The following VWA3B variants were observed in gnomAD, a reference collection of about 807,000 sequenced individuals.
VWA3B encodes the protein von Willebrand factor A domain-containing protein 3B.
A neutral mutation model predicts 158.3 loss-of-function variants in VWA3B; 138 were observed. The ratio of observed to expected loss-of-function variants is 0.87; its 90% CI spans 0.76 to 1.00. The LOEUF (loss-of-function observed/expected upper bound fraction) is 1.00. VWA3B is among the 50% of genes least tolerant of loss of function. The pLI, the probability that VWA3B is intolerant of heterozygous loss-of-function variation, is 0.00. For missense variants in VWA3B, 1,555 were observed against 1,565.1 expected, an observed-to-expected ratio of 0.99 and a Z score of 0.11; for synonymous variants, 596 against 587.3, an observed-to-expected ratio of 1.01 and a Z score of -0.21.
chr2:98,139,640 C>T (rs1175985196), intron 7 of VWA3B, among the ~76,000 whole-genome samples: 2 of 151,618 alleles, frequency 1.3e-5, no homozygotes, highest in Admixed American at 6.6e-5. Context: ...TCTGGTGGGG[C>T]CTTGGAGAAC....
At chr2:98,132,018 C>A (rs1448071719) in intron 6 of VWA3B, among the ~76,000 whole-genome samples, 1 of 152,142 alleles carries the variant, frequency 6.6e-6, no homozygotes, top group African/African-American at 2.4e-5. Flanking sequence ...CAGAAGGGGG[C>A]TCCCTCCTGT....
At position 98,286,087 on chromosome 2, in the gene VWA3B, C is replaced by G. The variant is rs74732283; in HGVS notation, c.3046-4424C>G. 6.4e-3 allele frequency among the ~76,000 whole-genome samples: 975 copies of G among 151,846 alleles called. 7 individuals carry two copies. Among genetic ancestry groups the G allele is most frequent in the African/African-American group, 0.022 (931 of 41,482 alleles). On this transcript the variant is annotated intron_variant, in intron 22 of 27. Transcript: ENST00000477737. Reference sequence around the variant, plus strand: ...ATTTTCAGAGTGCTCATTGCTAATACATAGAAATACAGTTGATTTTTTCAG... The same window carrying G: ...ATTTTCAGAGTGCTCATTGCTAATAGATAGAAATACAGTTGATTTTTTCAG...
At chr2:98,216,263 G>A (rs1683980465) in intron 13 of VWA3B, among the ~76,000 whole-genome samples, 2 of 152,236 alleles carry the variant, frequency 1.3e-5, no homozygotes, top group Non-Finnish European at 1.5e-5. Context: ...CATTGGATAA[G>A]TGTCCTTTGG....
At chr2:98,138,836 G>A (rs545955871) in intron 7 of VWA3B, among the ~76,000 whole-genome samples, 12 of 152,344 alleles carry the variant, frequency 7.9e-5, no homozygotes, top group Non-Finnish European at 1.5e-4. Context: ...AGGTGACAGC[G>A]TGCTGGCAGT....
the VWA3B span, among the ~76,000 whole-genome samples, chr2:98,321,706 T>C: frequency 1.3e-5 from 2 of 152,218 alleles, no homozygotes; most frequent in Non-Finnish European, 2.9e-5. Context: ...GGACTTGCCT[T>C]GTGTCAGATG....
chr2:98,222,757 C>T (rs1163642761), intron 14 of VWA3B, among the ~76,000 whole-genome samples: 1 of 152,164 alleles, frequency 6.6e-6, no homozygotes, highest in Non-Finnish European at 1.5e-5. Flanking sequence ...CAAAGAAGAC[C>T]AAGATAATAC....
the VWA3B span, among the ~76,000 whole-genome samples, chr2:98,330,120 C>T: frequency 2.0e-5 from 3 of 152,156 alleles, no homozygotes; most frequent in Non-Finnish European, 4.4e-5. Context: ...ATTAGAGTCA[C>T]CATCTTCCAA....
At chr2:98,234,619 T>G in intron 16 of VWA3B, 29 bp from the exon 17 acceptor site, 1 of 1,613,924 alleles carries the variant, frequency 6.2e-7, no homozygotes, top group Non-Finnish European at 8.5e-7. Context: ...CCCCAATTCC[T>G]TTAACTCTTC....
intron 7 of VWA3B, among the ~76,000 whole-genome samples, chr2:98,156,561 AGGAGCAGCCCTGCCACCGTCTTTGTT>A (rs989799104): frequency 2.0e-5 from 3 of 152,152 alleles, no homozygotes; most frequent in African/African-American, 7.2e-5. Context: ...TGGGAAATCA[AGGAGCAGCCCTGCCACCGTCTTTGTT>A]ATTTTTATGC....
chr2:98,178,606 G>A (rs1331228318), intron 8 of VWA3B, among the ~76,000 whole-genome samples: 1 of 152,148 alleles, frequency 6.6e-6, no homozygotes, highest in Non-Finnish European at 1.5e-5. Flanking sequence ...GTGTCTGATG[G>A]AAGCATCAGC....
chr2:98,181,678 G>A (rs1304696289), intron 9 of VWA3B, among the ~76,000 whole-genome samples: 5 of 152,166 alleles, frequency 3.3e-5, no homozygotes, highest in African/African-American at 4.8e-5. Context: ...ATCCTCCAAA[G>A]GGCTATAACC....
the VWA3B span, among the ~76,000 whole-genome samples, chr2:98,319,145 A>C: frequency 1.3e-5 from 2 of 152,204 alleles, no homozygotes; most frequent in South Asian, 4.1e-4. Context: ...AGGACAATGG[A>C]TAGCCATTGG....
At chr2:98,172,695 G>C (rs957536365) in intron 8 of VWA3B, among the ~76,000 whole-genome samples, 3 of 152,164 alleles carry the variant, frequency 2.0e-5, no homozygotes, top group African/African-American at 7.2e-5. Context: ...GGAGATGGAG[G>C]TGTCAAAAGT....
chr2:98,325,379 T>TAAGTGTTGATGTTG, the VWA3B span, among the ~76,000 whole-genome samples: 218 of 152,252 alleles, frequency 1.4e-3, 1 homozygote, highest in Non-Finnish European at 2.0e-3. Flanking sequence ...ACAATATCAT[T>TAAGTGTTGATGTTG]AAAGTGCTGA....
chr2:98,256,046 T>G, intron 20 of VWA3B, 78 bp from the exon 21 acceptor site: 3 of 1,533,554 alleles, frequency 2.0e-6, no homozygotes, highest in Non-Finnish European at 2.7e-6. Context: ...GGGCTCCCAC[T>G]GCGGTGCCTG....
chr2:98,260,861 G>A (rs1383742268), intron 21 of VWA3B, among the ~76,000 whole-genome samples: 3 of 151,590 alleles, frequency 2.0e-5, no homozygotes, highest in African/African-American at 7.3e-5. Context: ...ACTCTCTTTG[G>A]TTACTATTTC....
At chr2:98,303,853 C>A (rs377683062) in intron 26 of VWA3B, 51 bp downstream of exon 26, 1 of 1,559,884 alleles carries the variant, frequency 6.4e-7, no homozygotes, top group African/African-American at 1.4e-5. Flanking sequence ...ATCCTTGCAC[C>A]TTTAATCTGT....
At chr2:98,248,327 A>C (rs966524939) in intron 19 of VWA3B, among the ~76,000 whole-genome samples, 5 of 152,114 alleles carry the variant, frequency 3.3e-5, no homozygotes, top group African/African-American at 1.2e-4. Flanking sequence ...TTTTTGGTGT[A>C]TACTTGGGAA....
At chr2:98,216,257 G>A (rs1229835724) in intron 13 of VWA3B, among the ~76,000 whole-genome samples, 1 of 152,230 alleles carries the variant, frequency 6.6e-6, no homozygotes, top group Non-Finnish European at 1.5e-5. Context: ...TATACACATT[G>A]GATAAGTGTC....
Sources: gnomAD v4.1 joint callset for allele counts (sites outside exome capture counted in the v4.1 genomes callset) on GRCh38, gnomAD v4.1.1 for gene constraint, MANE v1.5 for transcripts, NCBI Gene and HGNC (gene_info 2026-07-23, HGNC 2026-07-21) for gene names.